PHF24: variants seen among roughly 807,000 people sequenced by gnomAD.
The protein encoded by PHF24 is PHD finger protein 24, also known as Galpha inhibitory interacting protein.
Under a neutral mutation model 42.6 loss-of-function variants are expected in PHF24, and 25 were observed. That is an observed-to-expected ratio of 0.59 (90% CI 0.43 to 0.82). The LOEUF (loss-of-function observed/expected upper bound fraction) is 0.82. PHF24 is among the 40% of genes least tolerant of loss of function. PHF24 has a pLI of 0.00. For synonymous variants in PHF24, 185 were observed against 204.8 expected (o/e 0.90, Z 0.83); for missense variants, 470 against 538.1 (o/e 0.87, Z 1.25).
At chr9:34,791,043 A>C in the PHF24 span, among the ~76,000 whole-genome samples, 1 of 152,236 alleles carries the variant, frequency 6.6e-6, no homozygotes, top group Non-Finnish European at 1.5e-5. Flanking sequence ...ATTTCATTCT[A>C]AGTACGATGT....
At chr9:34,868,787 G>T in the PHF24 span, among the ~76,000 whole-genome samples, 1 of 151,768 alleles carries the variant, frequency 6.6e-6, no homozygotes, top group Non-Finnish European at 1.5e-5. Flanking sequence ...AAGTTCTGGA[G>T]TACATGTGCA....
intron 7 of PHF24, 77 bp downstream of exon 7, chr9:34,977,718 C>A (rs1355009309): frequency 3.9e-5 from 48 of 1,228,610 alleles, no homozygotes; most frequent in Non-Finnish European, 5.3e-5. Context: ...AGGGCATTAC[C>A]CACTCCCACT....
At chr9:34,933,732 A>C in the PHF24 span, among the ~76,000 whole-genome samples, 21,588 of 151,106 alleles carry the variant, frequency 0.14, 1,856 homozygotes, top group South Asian at 0.25. Flanking sequence ...CTCAAAAAAA[A>C]AAAAACAAAA....
the PHF24 span, among the ~76,000 whole-genome samples, chr9:34,699,703 G>C: frequency 0.045 from 6,924 of 152,306 alleles, 247 homozygotes; most frequent in South Asian, 0.064. Flanking sequence ...TAATAATAAA[G>C]AAGGCATCTG....
the PHF24 span, among the ~76,000 whole-genome samples, chr9:34,933,090 TATG>T: frequency 1.3e-5 from 2 of 151,270 alleles, no homozygotes; most frequent in Non-Finnish European, 2.9e-5. Context: ...CTCCCAAGTA[TATG>T]ATACTACATG....
the PHF24 span, among the ~76,000 whole-genome samples, chr9:34,765,794 A>C: frequency 1.4e-3 from 206 of 152,102 alleles, no homozygotes; most frequent in African/African-American, 4.0e-3. Context: ...TCTTCCTAGC[A>C]TCGATGGTCT....
the PHF24 span, among the ~76,000 whole-genome samples, chr9:34,879,634 CGAGAA>C: frequency 6.6e-6 from 1 of 151,814 alleles, no homozygotes; most frequent in Non-Finnish European, 1.5e-5. Context: ...TGAAATGAAG[CGAGAA>C]GAGAAGTTTA....
intron 1 of PHF24, among the ~76,000 whole-genome samples, chr9:34,969,380 G>A (rs555272496): frequency 1.9e-4 from 29 of 150,742 alleles, no homozygotes; most frequent in African/African-American, 2.7e-4. Context: ...GGTGGCTCAC[G>A]CCTGTAATCC....
chr9:34,810,251 C>T, the PHF24 span, among the ~76,000 whole-genome samples: 2 of 152,272 alleles, frequency 1.3e-5, no homozygotes, highest in African/African-American at 2.4e-5. Flanking sequence ...GAGGTGCTTG[C>T]GTGGGAGCTG....
the PHF24 span, among the ~76,000 whole-genome samples, chr9:34,887,469 A>T: frequency 2.0e-5 from 3 of 151,634 alleles, no homozygotes; most frequent in African/African-American, 7.3e-5. Flanking sequence ...TTCTCCCTTT[A>T]TTCCTTTATT....
the PHF24 span, among the ~76,000 whole-genome samples, chr9:34,881,251 A>C: frequency 6.6e-6 from 1 of 152,242 alleles, no homozygotes; most frequent in South Asian, 2.1e-4. Context: ...CCCACAAGAG[A>C]AAGCAAGAAA....
At chr9:34,917,308 G>A in the PHF24 span, 4 of 965,036 alleles carry the variant, frequency 4.1e-6, no homozygotes, top group East Asian at 4.8e-5. Flanking sequence ...TGCAAGACCT[G>A]GACCCTGGAC....
At chr9:34,808,591 C>G in the PHF24 span, among the ~76,000 whole-genome samples, 5 of 152,148 alleles carry the variant, frequency 3.3e-5, no homozygotes, top group East Asian at 5.8e-4. Context: ...CTGGGAAGTC[C>G]AAGATCAAGG....
At chr9:34,918,422 AATC>A in the PHF24 span, 6 of 496,154 alleles carry the variant, frequency 1.2e-5, no homozygotes, top group Admixed American at 1.7e-4. Flanking sequence ...AAAAAAAAAA[AATC>A]ATGGGGAATT....
chr9:34,761,913 C>T, the PHF24 span, among the ~76,000 whole-genome samples: 1 of 152,058 alleles, frequency 6.6e-6, no homozygotes, highest in Admixed American at 6.6e-5. Context: ...GTTCTCATTG[C>T]TCAATTCCCA....
the PHF24 span, among the ~76,000 whole-genome samples, chr9:34,895,339 G>A: frequency 6.6e-6 from 1 of 152,144 alleles, no homozygotes; most frequent in South Asian, 2.1e-4. Context: ...ACTTTAGGAT[G>A]AGACGGGAGG....
At chr9:34,788,161 C>T in the PHF24 span, among the ~76,000 whole-genome samples, 1 of 152,106 alleles carries the variant, frequency 6.6e-6, no homozygotes, top group African/African-American at 2.4e-5. Flanking sequence ...CCGCAGCCTC[C>T]TGAGTAGCTG....
the PHF24 span, among the ~76,000 whole-genome samples, chr9:34,751,200 A>G: frequency 2.1e-5 from 3 of 139,610 alleles, no homozygotes; most frequent in East Asian, 6.5e-4. Context: ...CCCCACCTCT[A>G]CTAAAAATAC....
the PHF24 span, chr9:34,833,113 C>A: frequency 6.4e-7 from 1 of 1,551,552 alleles, no homozygotes; most frequent in Non-Finnish European, 8.7e-7. Context: ...ACCCCGCATC[C>A]CCTTCTCTGT....
Sources: allele counts gnomAD v4.1 joint callset (sites outside exome capture counted in the v4.1 genomes callset), GRCh38; gene constraint gnomAD v4.1.1; transcripts MANE v1.5; gene names NCBI Gene and HGNC (gene_info 2026-07-23, HGNC 2026-07-21).